NDE1: variants seen among roughly 807,000 people sequenced by gnomAD.
NDE1 encodes the protein nudE neurodevelopment protein 1.
A neutral mutation model predicts 43.4 loss-of-function variants in NDE1; 28 were observed. That is an observed-to-expected ratio of 0.65 (90% CI 0.48 to 0.89). NDE1 has a LOEUF of 0.89. Ranked by LOEUF, NDE1 falls within the 40% of genes least tolerant of loss-of-function variation. NDE1 has a pLI of 0.00. For missense variants in NDE1, 441 were observed against 434.1 expected (o/e 1.02, Z -0.14); for synonymous variants, 184 against 172.0 (o/e 1.07, Z -0.55).
rs1019016231 is a variant in NDE1, at chr16:15,725,169, A to T, written c.*918A>T. ...AAAAAACACACACACACACAAAAAA[A>T]ACAGAATCTGTGGCTTGAAGGGAAC... On this transcript the variant is annotated 3_prime_UTR_variant, in exon 9 of 9. Transcript: ENST00000396354. The T allele has an allele frequency of 3.4e-5, 22 of 642,108 alleles. No homozygotes were observed. The highest frequency in any genetic ancestry group is 4.1e-4 in the Middle Eastern group (1 of 2,432). The allele number at this position is 642,108 out of a possible 1,614,324, so 39.8% of individuals were successfully genotyped here.
upstream of NDE1, chr16:15,650,203 G>T (rs887911911): frequency 1.7e-5 from 3 of 178,432 alleles, no homozygotes; most frequent in African/African-American, 2.4e-5. Context: ...CAGGCTCCGG[G>T]GCGGGGGCGG....
At chr16:15,659,467 C>T (rs548613531) in intron 1 of NDE1, among the ~76,000 whole-genome samples, 20 of 107,106 alleles carry the variant, frequency 1.9e-4, no homozygotes, top group Non-Finnish European at 3.2e-4. Context: ...GAGGAAGTCT[C>T]ACTCTGTCAC....
chr16:15,708,675 C>G (rs998844971), intron 8 of NDE1: 1 of 972,382 alleles, frequency 1.0e-6, no homozygotes, highest in African/African-American at 1.6e-5. Context: ...ATCCAAGCCT[C>G]CAGATTTTGC....
chr16:15,669,063 C>A (rs2037458667), intron 3 of NDE1, among the ~76,000 whole-genome samples: 1 of 151,892 alleles, frequency 6.6e-6, no homozygotes, highest in African/African-American at 2.4e-5. Flanking sequence ...CCACGCCTGG[C>A]TAAATTTTTT....
At chr16:15,715,120 G>A in intron 8 of NDE1, 1 of 1,611,964 alleles carries the variant, frequency 6.2e-7, no homozygotes. Context: ...GGGGAGGCCG[G>A]CTGGGGGCTG....
chr16:15,702,602 GTC>G (rs914606601), intron 8 of NDE1, among the ~76,000 whole-genome samples: 10 of 151,682 alleles, frequency 6.6e-5, no homozygotes, highest in African/African-American at 2.2e-4. Context: ...AGAGACGGGG[GTC>G]TCTCTCGGCT....
At chr16:15,678,616 C>T (rs2038008355) in intron 4 of NDE1, among the ~76,000 whole-genome samples, 1 of 152,112 alleles carries the variant, frequency 6.6e-6, no homozygotes, top group Admixed American at 6.6e-5. Flanking sequence ...GCTGTGATTA[C>T]AGGTGTGAGC....
chr16:15,714,326 C>T (rs1157980434), intron 8 of NDE1: 1 of 164,244 alleles, frequency 6.1e-6, no homozygotes, highest in Non-Finnish European at 1.3e-5. Flanking sequence ...CTTCTGGCAA[C>T]ATCTAGAGAC....
Position 15,715,249 on chromosome 16 carries a change from G to C in NDE1, c.948-8942G>C, listed in dbSNP as rs148621523. The C allele has an allele frequency of 3.1e-6, 5 of 1,614,032 alleles. No individual in the cohort carries two copies. The highest frequency in any genetic ancestry group is 1.7e-5 in the Admixed American group (1 of 60,010). Reference sequence around the variant, plus strand: ...CAGCTTCTTGTCTTTCTGCTTCAGCGACTTGGTGGCCGCCTGTTTCTCTCT... The same window carrying C: ...CAGCTTCTTGTCTTTCTGCTTCAGCCACTTGGTGGCCGCCTGTTTCTCTCT... On this transcript the variant is annotated intron_variant, in intron 8 of 8. Coordinates refer to ENST00000396354, the MANE Select transcript of NDE1 (RefSeq NM_017668.3).
At chr16:15,673,864 G>A (rs891211359) in intron 3 of NDE1, among the ~76,000 whole-genome samples, 2 of 152,176 alleles carry the variant, frequency 1.3e-5, no homozygotes, top group East Asian at 1.9e-4. Context: ...GAGAGAGCAC[G>A]GGAACGGGCA....
intron 2 of NDE1, 127 bp downstream of exon 2, chr16:15,664,988 T>G: frequency 1.4e-6 from 1 of 719,026 alleles, no homozygotes; most frequent in Non-Finnish European, 2.4e-6. Flanking sequence ...CTTAAACTCC[T>G]GGGCTTAAGC....
chr16:15,724,032 C>T, intron 8 of NDE1, 159 bp from the exon 9 acceptor site: 3 of 1,496,834 alleles, frequency 2.0e-6, no homozygotes, highest in South Asian at 2.3e-5. Flanking sequence ...GATAAGACAG[C>T]CTCCCATGGC....
At chr16:15,675,624 CAG>C (rs2037830424) in intron 3 of NDE1, among the ~76,000 whole-genome samples, 1 of 151,730 alleles carries the variant, frequency 6.6e-6, no homozygotes. Flanking sequence ...TTTGTAGAGG[CAG>C]AGTCTTGCCC....
intron 5 of NDE1, 113 bp from the exon 6 acceptor site, chr16:15,691,031 C>G (rs1177150868): frequency 7.7e-7 from 1 of 1,290,874 alleles, no homozygotes; most frequent in Non-Finnish European, 1.1e-6. Flanking sequence ...TGGTCTCGAA[C>G]TCCTGACCTC....
At chr16:15,706,714 A>G (rs1453991684) in intron 8 of NDE1, among the ~76,000 whole-genome samples, 1 of 151,958 alleles carries the variant, frequency 6.6e-6, no homozygotes, top group Non-Finnish European at 1.5e-5. Flanking sequence ...AAAAAAAAAA[A>G]CAAAAAAAAA....
In NDE1 at chr16:15,692,167, CAG is replaced by C. The variant is rs1276694197; in HGVS notation, c.703+845_703+846del. The stretch of plus-strand genomic sequence containing the variant: ...TAATAACAGACAGTTAAGGAGTGCT[CAG>C]TGTGTGCTGGCCAGCCTGCAGCCTT... On this transcript the variant is annotated intron_variant, in intron 6 of 8. Transcript: ENST00000396354. 3.3e-5 allele frequency among the ~76,000 whole-genome samples: 5 copies of C among 152,284 alleles called. No homozygotes were observed. In the South Asian group the frequency reaches 1.0e-3, roughly 32 times the overall value.
chr16:15,673,480 C>T (rs2037705374), intron 3 of NDE1, among the ~76,000 whole-genome samples: 1 of 152,044 alleles, frequency 6.6e-6, no homozygotes, highest in Non-Finnish European at 1.5e-5. Context: ...GCTGGAACTA[C>T]AGCCGTGCAC....
At chr16:15,665,352 C>A (rs140228228) in intron 2 of NDE1, among the ~76,000 whole-genome samples, 1,565 of 152,320 alleles carry the variant, frequency 0.01, 34 homozygotes, top group African/African-American at 0.035. Flanking sequence ...CACAGTCACA[C>A]AGCCAATAAG....
chr16:15,669,500 T>G (rs2037483842), intron 3 of NDE1, among the ~76,000 whole-genome samples: 1 of 152,096 alleles, frequency 6.6e-6, no homozygotes, highest in Non-Finnish European at 1.5e-5. Context: ...TAGCTGAGAT[T>G]ACAGGCACAC....
Sources: allele counts gnomAD v4.1 joint callset (sites outside exome capture counted in the v4.1 genomes callset), GRCh38; gene constraint gnomAD v4.1.1; transcripts MANE v1.5; gene names NCBI Gene and HGNC (gene_info 2026-07-23, HGNC 2026-07-21).